The following GALNTL6 variants were observed in gnomAD, a reference collection of about 807,000 sequenced individuals.
GALNTL6 encodes polypeptide N-acetylgalactosaminyltransferase-like 6.
A neutral mutation model predicts 73.7 loss-of-function variants in GALNTL6; 46 were observed. The ratio of observed to expected loss-of-function variants is 0.62; its 90% CI spans 0.49 to 0.80. The LOEUF (loss-of-function observed/expected upper bound fraction) is 0.80, where lower values mean the gene tolerates loss of function less well. GALNTL6 is among the 30% of genes least tolerant of loss of function. The probability of loss-of-function intolerance (pLI) is 0.00; values close to 1 mark genes in which losing one functional copy is unlikely to be tolerated. For synonymous variants in GALNTL6, 259 were observed against 263.7 expected, an observed-to-expected ratio of 0.98 and a Z score of 0.17; for missense variants, 604 against 755.0, an observed-to-expected ratio of 0.80 and a Z score of 2.34.
At chr4:172,535,397 A>G (rs1735313823) in intron 5 of GALNTL6, among the ~76,000 whole-genome samples, 1 of 152,220 alleles carries the variant, frequency 6.6e-6, no homozygotes, top group Non-Finnish European at 1.5e-5. Context: ...AAATGAACTC[A>G]TTGCTTCAGA....
At position 171,930,395 on chromosome 4, in the gene GALNTL6, A is replaced by G. The variant is rs140386110; in HGVS notation, c.138+115677A>G. 6.6e-5 allele frequency among the ~76,000 whole-genome samples: 10 copies of G among 152,338 alleles called. No individual in the cohort carries two copies. In the East Asian group the frequency reaches 1.2e-3, roughly 18 times the overall value. Reference sequence around the variant, plus strand: ...AACCACAGCCTATGCGCCACACTCAACAAACACCCTAGGAAGCATCTACAA... The same window carrying G: ...AACCACAGCCTATGCGCCACACTCAGCAAACACCCTAGGAAGCATCTACAA... On this transcript the variant is annotated intron_variant, in intron 2 of 12. Transcript: ENST00000506823.
At chr4:172,834,575 T>C (rs1368854262) in intron 7 of GALNTL6, among the ~76,000 whole-genome samples, 1 of 152,110 alleles carries the variant, frequency 6.6e-6, no homozygotes, top group Admixed American at 6.5e-5. Context: ...CCTTCCAGCA[T>C]GGGAGTTGAG....
At chr4:172,710,264 T>G (rs1160873353) in intron 5 of GALNTL6, among the ~76,000 whole-genome samples, 1 of 152,158 alleles carries the variant, frequency 6.6e-6, no homozygotes, top group Non-Finnish European at 1.5e-5. Flanking sequence ...AATGTTCTTA[T>G]ATTTTGATTC....
chr4:172,627,280 A>T (rs1739205616), intron 5 of GALNTL6, among the ~76,000 whole-genome samples: 1 of 152,054 alleles, frequency 6.6e-6, no homozygotes, highest in Admixed American at 6.6e-5. Context: ...AATTCTCTTT[A>T]TGCAGTGATC....
chr4:172,041,087 G>GT (rs1249681565), intron 2 of GALNTL6, among the ~76,000 whole-genome samples: 2 of 151,950 alleles, frequency 1.3e-5, no homozygotes, highest in Non-Finnish European at 1.5e-5. Flanking sequence ...ATGTCTAATT[G>GT]TTTTTTTATT....
intron 7 of GALNTL6, among the ~76,000 whole-genome samples, chr4:172,851,085 G>T (rs1282745611): frequency 6.6e-6 from 1 of 152,102 alleles, no homozygotes; most frequent in African/African-American, 2.4e-5. Context: ...GGGTGGGGCT[G>T]AGTTTTAAGT....
intron 5 of GALNTL6, among the ~76,000 whole-genome samples, chr4:172,404,419 A>T (rs1347448784): frequency 2.0e-5 from 3 of 152,084 alleles, no homozygotes; most frequent in Non-Finnish European, 2.9e-5. Flanking sequence ...CTCTGCTTTA[A>T]CCTAATTTGA....
intron 4 of GALNTL6, among the ~76,000 whole-genome samples, chr4:172,313,618 T>TA (rs1409266780): frequency 6.6e-6 from 1 of 152,096 alleles, no homozygotes; most frequent in African/African-American, 2.4e-5. Context: ...TGGAAAGATG[T>TA]AAAAAAAATT....
intron 2 of GALNTL6, among the ~76,000 whole-genome samples, chr4:171,898,793 GT>G (rs1736999014): frequency 6.6e-6 from 1 of 151,894 alleles, no homozygotes; most frequent in Non-Finnish European, 1.5e-5. Flanking sequence ...TGTGTTCATA[GT>G]TACATGATAA....
At chr4:172,874,751 C>G (rs1745106679) in intron 7 of GALNTL6, among the ~76,000 whole-genome samples, 1 of 152,220 alleles carries the variant, frequency 6.6e-6, no homozygotes, top group Admixed American at 6.5e-5. Context: ...ATGGCGTCTG[C>G]TCCCGTCTGG....
At chr4:172,858,572 G>A (rs1318538681) in intron 7 of GALNTL6, among the ~76,000 whole-genome samples, 2 of 152,184 alleles carry the variant, frequency 1.3e-5, no homozygotes, top group Non-Finnish European at 2.9e-5. Context: ...GCTCATGCCT[G>A]TAATCTCAGC....
chr4:172,916,437 G>C (rs6854102), intron 8 of GALNTL6, among the ~76,000 whole-genome samples: 6,358 of 152,168 alleles, frequency 0.042, 357 homozygotes, highest in African/African-American at 0.12. Context: ...TATTCAATTA[G>C]GAAAAGAGGA....
chr4:172,207,680 C>A (rs532822993), intron 2 of GALNTL6, among the ~76,000 whole-genome samples: 23 of 152,252 alleles, frequency 1.5e-4, no homozygotes, highest in African/African-American at 5.5e-4. Flanking sequence ...TTGGTTCTCT[C>A]TGTTACTAGC....
At chr4:172,213,574 T>C (rs1174009051) in intron 2 of GALNTL6, among the ~76,000 whole-genome samples, 5 of 152,220 alleles carry the variant, frequency 3.3e-5, no homozygotes, top group Admixed American at 2.6e-4. Flanking sequence ...TTTGATGAGA[T>C]GTCTGTTCAG....
At chr4:172,067,382 C>T (rs147795205) in intron 2 of GALNTL6, among the ~76,000 whole-genome samples, 14 of 152,084 alleles carry the variant, frequency 9.2e-5, no homozygotes, top group African/African-American at 3.1e-4. Context: ...TATCTCTGTA[C>T]GCTCTACCTC....
intron 3 of GALNTL6, among the ~76,000 whole-genome samples, chr4:172,283,959 C>T (rs755907360): frequency 6.6e-5 from 10 of 151,990 alleles, no homozygotes; most frequent in African/African-American, 1.9e-4. Flanking sequence ...AATAAATTAA[C>T]GTATAAACTA....
intron 2 of GALNTL6, among the ~76,000 whole-genome samples, chr4:172,025,692 C>T (rs557163440): frequency 7.4e-4 from 113 of 151,908 alleles, no homozygotes; most frequent in Non-Finnish European, 1.4e-3. Flanking sequence ...TTAATAACTG[C>T]TAAATATTGG....
In GALNTL6 at chr4:172,427,243, C is replaced by T. The variant is rs145227153; in HGVS notation, c.553+78554C>T. Reference sequence around the variant, plus strand: ...TTAATGGATTCACAGTTCCACATGGCTGGGGAGGCCTCACAATTATGGCAG... The same window carrying T: ...TTAATGGATTCACAGTTCCACATGGTTGGGGAGGCCTCACAATTATGGCAG... On this transcript the variant is annotated intron_variant, in intron 5 of 12. Transcript: ENST00000506823. 9.3e-4 allele frequency among the ~76,000 whole-genome samples: 142 copies of T among 152,210 alleles called. 2 individuals carry two copies. Among genetic ancestry groups the T allele is most frequent in the African/African-American group, 3.3e-3 (139 of 41,532 alleles).
At position 172,813,683 on chromosome 4, in the gene GALNTL6, C is replaced by G. The variant is rs1351243386; in HGVS notation, c.883C>G (p.Pro295Ala). 6.2e-7 allele frequency: 1 copy of G among 1,611,584 alleles called. No homozygotes were observed. The highest frequency in any genetic ancestry group is 2.2e-5 in the East Asian group (1 of 44,812). ...WEMYYKRIPIPPELQRADPSD... is the reference protein window; with the variant it reads ...WEMYYKRIPIAPELQRADPSD... Reference sequence around the variant, plus strand: ...AATGTACTACAAAAGAATCCCCATCCCTCCAGAGCTCCAGAGGGCAGATCC... The same window carrying G: ...AATGTACTACAAAAGAATCCCCATCGCTCCAGAGCTCCAGAGGGCAGATCC... Residue 295 changes from proline (P) to alanine (A), a missense_variant, in exon 7 of 13, where the codon CCT becomes GCT. Pro to Ala is a conservative substitution (Grantham distance 27, BLOSUM62 -1). This residue lies in a region of GALNTL6 where 179 missense variants were observed against 230.8 expected (regional missense o/e 0.78). Coordinates refer to ENST00000506823, the MANE Select transcript of GALNTL6 (RefSeq NM_001034845.3).
Sources: gnomAD v4.1 joint callset for allele counts (sites outside exome capture counted in the v4.1 genomes callset) on GRCh38, gnomAD v4.1.1 for gene constraint, gnomAD v4.1.1 regional missense constraint, MANE v1.5 for transcripts, NCBI Gene and HGNC (gene_info 2026-07-23, HGNC 2026-07-21) for gene names.